The following ZNF638 variants were observed in gnomAD, a reference collection of about 807,000 sequenced individuals.
ZNF638 encodes the protein CTCL tumor antigen se33-1.
Under a neutral mutation model 195.6 loss-of-function variants are expected in ZNF638, and 46 were observed. The ratio of observed to expected loss-of-function variants is 0.24; its 90% CI spans 0.19 to 0.30. The LOEUF (loss-of-function observed/expected upper bound fraction) is 0.30. Among genes scored for constraint, ZNF638 ranks in the 10% least tolerant of loss-of-function variants. The pLI, the probability that ZNF638 is intolerant of heterozygous loss-of-function variation, is 1.00. For synonymous variants in ZNF638, 845 were observed against 772.0 expected (o/e 1.09, Z -1.57); for missense variants, 2,440 against 2,325.3 (o/e 1.05, Z -1.01).
intron 3 of ZNF638, among the ~76,000 whole-genome samples, chr2:71,357,350 A>G (rs1231502320): frequency 1.3e-5 from 2 of 152,162 alleles, no homozygotes; most frequent in African/African-American, 4.8e-5. Context: ...AAGACTGGAA[A>G]TTGGGGTTAC....
Position 71,365,667 on chromosome 2 carries a change from T to C in ZNF638, c.1956T>C (p.Cys652=), listed in dbSNP as rs146604582. 3.5e-5 allele frequency: 57 copies of C among 1,613,824 alleles called. No individual in the cohort carries two copies. The African/African-American group carries it at 7.5e-4, about 21-fold the overall frequency. Residue 652 remains cysteine, a synonymous_variant, in exon 6 of 28, where the codon TGT becomes TGC. Transcript: ENST00000264447. ...TTGAAGATGACACTTTGTCAGAATG[T>C]AAACAGGTGTCTGATAAAGCTGTTT... ...KNLEDDTLSE[C]KQVSDKAVSL...
intron 10 of ZNF638, among the ~76,000 whole-genome samples, chr2:71,384,952 T>C (rs993348907): frequency 1.3e-5 from 2 of 152,184 alleles, no homozygotes; most frequent in African/African-American, 2.4e-5. Flanking sequence ...AACTCCCACA[T>C]GTGAGTTCCA....
At chr2:71,339,125 C>G (rs748604037) in intron 1 of ZNF638, among the ~76,000 whole-genome samples, 5 of 149,148 alleles carry the variant, frequency 3.4e-5, no homozygotes, top group Non-Finnish European at 4.4e-5. Context: ...AGGCTTAAGG[C>G]TTTTAATGCA....
At chr2:71,367,391 G>A in intron 6 of ZNF638, among the ~76,000 whole-genome samples, 1 of 149,724 alleles carries the variant, frequency 6.7e-6, no homozygotes, top group African/African-American at 2.5e-5. Flanking sequence ...CCAGGTAGAA[G>A]ACTACAGGTA....
At chr2:71,341,589 A>G (rs935208558) in intron 1 of ZNF638, 9 of 152,166 alleles carry the variant, frequency 5.9e-5, no homozygotes, top group Admixed American at 3.9e-4. Flanking sequence ...TAACAAGCAC[A>G]CATTACTTAC....
At position 71,402,092 on chromosome 2, in the gene ZNF638, G is replaced by C. The variant is rs778391931; in HGVS notation, c.2829+5G>C. 11 of 1,602,480 alleles carry C rather than the reference G, an allele frequency of 6.9e-6. No homozygotes were observed. Among genetic ancestry groups the C allele is most frequent in the African/African-American group, 1.3e-5 (1 of 74,376 alleles). On this transcript the variant is annotated splice_donor_5th_base_variant and intron_variant, in intron 16 of 27. Transcript: ENST00000264447. ...ATTTTATCATCTCATAAAAAGGTAA[G>C]AGTTGATTAATAGCTGTTCATATCC...
chr2:71,350,358 A>T, intron 2 of ZNF638, 87 bp downstream of exon 2: 1 of 1,318,750 alleles, frequency 7.6e-7, no homozygotes, highest in Non-Finnish European at 1.0e-6. Context: ...CTTGTTAACT[A>T]GGCGTTAAGG....
intron 20 of ZNF638, chr2:71,408,486 G>T: frequency 4.7e-6 from 2 of 421,712 alleles, no homozygotes; most frequent in Non-Finnish European, 8.4e-6. Flanking sequence ...TGACATGTAG[G>T]TATCTACATT....
intron 8 of ZNF638, 54 bp downstream of exon 8, chr2:71,370,059 TTTTG>T: frequency 4.5e-6 from 7 of 1,572,190 alleles, no homozygotes; most frequent in Non-Finnish European, 6.0e-6. Flanking sequence ...AGTTTAACTT[TTTTG>T]TTTAAGTATG....
chr2:71,405,315 A>G (rs2080084879), intron 17 of ZNF638, among the ~76,000 whole-genome samples: 2 of 152,156 alleles, frequency 1.3e-5, no homozygotes, highest in Admixed American at 6.5e-5. Context: ...TCTAAATTAA[A>G]TCTCTATTCC....
intron 5 of ZNF638, 73 bp downstream of exon 5, chr2:71,364,325 T>G: frequency 6.9e-7 from 1 of 1,440,334 alleles, no homozygotes; most frequent in Non-Finnish European, 9.3e-7. Context: ...TTTTTGGATT[T>G]TGAGAAATGT....
rs3771372 is a variant in ZNF638, at chr2:71,398,024, G to T, written c.2429-677G>T. Among the ~76,000 whole-genome samples the T allele has an allele frequency of 0.053, 8,003 of 152,200 alleles. 950 individuals are homozygous for T. In the East Asian group the frequency reaches 0.55, roughly 10 times the overall value. ...GAGGATCTAGGTTTAACTGCTTTTG[G>T]AACTGCTCAAAGTATGGGATTGTTT... On this transcript the variant is annotated intron_variant, in intron 11 of 27. Coordinates refer to ENST00000264447, the MANE Select transcript of ZNF638 (RefSeq NM_014497.5).
At chr2:71,392,725 G>A (rs550204445) in intron 10 of ZNF638, among the ~76,000 whole-genome samples, 1 of 151,986 alleles carries the variant, frequency 6.6e-6, no homozygotes, top group African/African-American at 2.4e-5. Context: ...AACAATAGCA[G>A]CTTACCCAAA....
chr2:71,357,306 G>C (rs1352519622), intron 3 of ZNF638, among the ~76,000 whole-genome samples: 2 of 152,164 alleles, frequency 1.3e-5, no homozygotes, highest in Non-Finnish European at 2.9e-5. Flanking sequence ...CGGGTGTTGA[G>C]AGTGAGATAA....
intron 8 of ZNF638, among the ~76,000 whole-genome samples, chr2:71,379,358 T>A (rs1209640546): frequency 6.6e-6 from 1 of 152,216 alleles, no homozygotes; most frequent in Non-Finnish European, 1.5e-5. Flanking sequence ...GTTAGCATGA[T>A]GAAATTTCAT....
At chr2:71,396,008 A>G (rs111811926) in intron 10 of ZNF638, 133 bp from the exon 11 acceptor site, 16 of 745,030 alleles carry the variant, frequency 2.1e-5, no homozygotes, top group Middle Eastern at 2.7e-4. Flanking sequence ...TAGTAATTCC[A>G]TGGACATACA....
At position 71,359,814 on chromosome 2, in the gene ZNF638, T is replaced by G. The variant is rs144618452; in HGVS notation, c.1380-3339T>G. The stretch of plus-strand genomic sequence containing the variant: ...ATTCCTCCATTGATGTATATTTAGA[T>G]TTTTCTTTTCTTGTGGCTTATTCTC... On this transcript the variant is annotated intron_variant, in intron 3 of 27. Transcript: ENST00000264447. 8.2e-3 allele frequency among the ~76,000 whole-genome samples: 1,242 copies of G among 152,322 alleles called. 12 individuals carry two copies. Among genetic ancestry groups the G allele is most frequent in the Non-Finnish European group, 0.012 (817 of 68,028 alleles).
rs143673651 is a variant in ZNF638, at chr2:71,370,974, C to T, written c.2265+969C>T. Among the ~76,000 whole-genome samples, 365 of 152,154 alleles carry T rather than the reference C, an allele frequency of 2.4e-3. 1 individual carries two copies. Among genetic ancestry groups the T allele is most frequent in the African/African-American group, 8.5e-3 (353 of 41,516 alleles). ...CCATTAATTATCCCCTCCTCTACCC[C>T]CTGTTACCCTTCCCAGCCTCATAAC... is the stretch of plus-strand genomic sequence containing the variant. On this transcript the variant is annotated intron_variant, in intron 8 of 27. Transcript: ENST00000264447.
intron 10 of ZNF638, among the ~76,000 whole-genome samples, chr2:71,391,380 T>C (rs1423347886): frequency 6.6e-6 from 1 of 152,224 alleles, no homozygotes; most frequent in Non-Finnish European, 1.5e-5. Flanking sequence ...GCCAATTTCA[T>C]TGGAAAGTAC....
Sources: gnomAD v4.1 joint callset for allele counts (sites outside exome capture counted in the v4.1 genomes callset) on GRCh38, gnomAD v4.1.1 for gene constraint, MANE v1.5 for transcripts, NCBI Gene and HGNC (gene_info 2026-07-23, HGNC 2026-07-21) for gene names.